The following COX7C variants were observed in gnomAD, a reference collection of about 807,000 sequenced individuals.
COX7C encodes the protein cytochrome c oxidase subunit 7C, mitochondrial.
Under a neutral mutation model 6.4 loss-of-function variants are expected in COX7C, and 1 was observed. The observed-to-expected ratio is 0.16, with a 90% confidence interval of 0.06 to 0.74. The LOEUF (loss-of-function observed/expected upper bound fraction) is 0.74. COX7C is among the 30% of genes least tolerant of loss of function. The pLI is 0.78. For synonymous variants in COX7C, 24 were observed against 28.9 expected (o/e 0.83, Z 0.54); for missense variants, 54 against 73.7 (o/e 0.73, Z 0.98).
At chr5:86,619,000 AAAAG>A (rs1282147219) in intron 1 of COX7C, among the ~76,000 whole-genome samples, 3 of 152,020 alleles carry the variant, frequency 2.0e-5, no homozygotes, top group Non-Finnish European at 2.9e-5. Context: ...AAAAGAAAAA[AAAAG>A]AGCTGTATTG....
intron 1 of COX7C, 88 bp downstream of exon 1, chr5:86,618,218 G>A: frequency 1.6e-6 from 2 of 1,239,796 alleles, no homozygotes; most frequent in Non-Finnish European, 2.4e-6. Flanking sequence ...GGGCTGTGGC[G>A]TGGGAGATGA....
At chr5:86,618,156 G>T in intron 1 of COX7C, 26 bp downstream of exon 1, 1 of 1,610,936 alleles carries the variant, frequency 6.2e-7, no homozygotes, top group Non-Finnish European at 8.5e-7. Flanking sequence ...GCACGGCTTC[G>T]TTGGGGGAGG....
Position 86,618,002 on chromosome 5 carries a change from G to A in COX7C, c.-54G>A. The A allele has an allele frequency of 1.9e-6, 3 of 1,564,592 alleles. No individual in the cohort carries two copies. The highest frequency in any genetic ancestry group is 2.3e-4 in the Middle Eastern group (1 of 4,442). ...AAAAAAAAGGTCTTGGTGAGGTGCC[G>A]CCATTTCATCTGTCCTCATTCTCTG... On this transcript the variant is annotated 5_prime_UTR_variant, in exon 1 of 3. Transcript: ENST00000247655.
At chr5:86,619,219 A>C in intron 1 of COX7C, 134 bp from the exon 2 acceptor site, 1 of 644,338 alleles carries the variant, frequency 1.6e-6, no homozygotes, top group Admixed American at 2.5e-5. Flanking sequence ...GTTTAAAACG[A>C]TGTTATGATT....
chr5:86,618,448 G>C, intron 1 of COX7C: 1 of 307,328 alleles, frequency 3.3e-6, no homozygotes, highest in South Asian at 4.1e-5. Context: ...AATCCGAGCT[G>C]GAGGTCATCG....
chr5:86,619,257 A>G (rs1750067454), intron 1 of COX7C, 96 bp from the exon 2 acceptor site: 1 of 770,158 alleles, frequency 1.3e-6, no homozygotes. Flanking sequence ...TGATGATGTA[A>G]AATATAACTA....
Position 86,618,089 on chromosome 5 carries a change from T to A in COX7C, c.34T>A (p.Ser12Thr). The A allele has an allele frequency of 6.2e-7, 1 of 1,614,086 alleles. No individual in the cohort carries two copies. Among genetic ancestry groups the A allele is most frequent in the Non-Finnish European group, 8.5e-7 (1 of 1,180,026 alleles). The change falls in exon 1 of 3, where the codon TCT (serine) becomes ACT (threonine). Residue 12 changes from serine (S) to threonine (T), a missense_variant. By Grantham distance (58) the Ser-to-Thr change is moderately conservative. Coordinates refer to ENST00000247655, the MANE Select transcript of COX7C (RefSeq NM_001867.3). ...CCAGAGCATCCGGAGGTTCACAACC[T>A]CTGTGGTCCGTAGGAGCCACTATGA... The part of the protein sequence containing the change: ...LGQSIRRFTT[S>T]VVRRSHYEEG...
chr5:86,618,382 C>T (rs1381287780), intron 1 of COX7C: 1 of 486,652 alleles, frequency 2.1e-6, no homozygotes, highest in Non-Finnish European at 3.7e-6. Flanking sequence ...CCTCCCCCGC[C>T]CCGCAGAAAG....
chr5:86,619,023 A>G (rs971283645), intron 1 of COX7C, among the ~76,000 whole-genome samples: 1 of 151,974 alleles, frequency 6.6e-6, no homozygotes, highest in Non-Finnish European at 1.5e-5. Context: ...TGCACTTAAC[A>G]TTGCCATGTA....
rs1422037371 is a variant in COX7C, at chr5:86,617,976, G to GA, written c.-72dup. ...CTTGCGCACCGGGGAACAAGGTCGT[G>GA]AAAAAAAAGGTCTTGGTGAGGTGCC... On this transcript the variant is annotated 5_prime_UTR_variant, in exon 1 of 3. Transcript: ENST00000247655. 5.0e-5 allele frequency: 68 copies of GA among 1,373,294 alleles called. No individual in the cohort carries two copies. Among genetic ancestry groups the GA allele is most frequent in the African/African-American group, 5.7e-5 (4 of 69,850 alleles). 85.1% of individuals were successfully genotyped at this position (1,373,294 alleles called of 1,614,324 possible).
chr5:86,618,135 G>A lies in COX7C; in HGVS notation c.75+5G>A, dbSNP rs1398710571. On this transcript the variant is annotated splice_donor_5th_base_variant and intron_variant, in intron 1 of 2. Transcript: ENST00000247655. The stretch of plus-strand genomic sequence containing the variant: ...TATGAGGAGGGCCCTGGGAAGGTTA[G>A]TGTGTAAGGGGCACGGCTTCGTTGG... 1 of 1,613,964 alleles carries A rather than the reference G, an allele frequency of 6.2e-7. No homozygotes were observed. The highest frequency in any genetic ancestry group is 1.7e-5 in the Admixed American group (1 of 60,018).
At chr5:86,618,323 A>T in intron 1 of COX7C, 193 bp downstream of exon 1, 1 of 567,180 alleles carries the variant, frequency 1.8e-6, no homozygotes, top group African/African-American at 1.9e-5. Flanking sequence ...CGCTAAAGGA[A>T]TGGGCAGGTA....
intron 2 of COX7C, chr5:86,619,727 C>T (rs1233720420): frequency 1.5e-5 from 5 of 332,780 alleles, no homozygotes; most frequent in African/African-American, 6.2e-5. Context: ...ATCGATATCT[C>T]ATGTTCTCTA....
At position 86,619,581 on chromosome 5, in the gene COX7C, A is replaced by T. The variant is rs377703749; in HGVS notation, c.*27+85A>T. On this transcript the variant is annotated intron_variant, in intron 2 of 2. Transcript: ENST00000247655. ...CATCACCCAGAACACACACACAAAT[A>T]CATTGTTGTGTAGGGCTGATTCCTG... is the stretch of plus-strand genomic sequence containing the variant. The T allele has an allele frequency of 4.4e-5, 33 of 744,428 alleles. No individual in the cohort carries two copies. The African/African-American group carries it at 5.7e-4, about 13-fold the overall frequency. The allele number at this position is 744,428 out of a possible 1,614,324, so 46.1% of individuals were successfully genotyped here.
Position 86,618,053 on chromosome 5 carries a change from G to T in COX7C, c.-3G>T. On this transcript the variant is annotated 5_prime_UTR_variant, in exon 1 of 3. Transcript: ENST00000247655. Reference sequence around the variant, plus strand: ...CGCCTTTCGCAGAGCTTCCAGCAGCGGTATGTTGGGCCAGAGCATCCGGAG... The same window carrying T: ...CGCCTTTCGCAGAGCTTCCAGCAGCTGTATGTTGGGCCAGAGCATCCGGAG... 6.2e-7 allele frequency: 1 copy of T among 1,613,622 alleles called. No homozygotes were observed. Among genetic ancestry groups the T allele is most frequent in the South Asian group, 1.1e-5 (1 of 91,048 alleles).
At chr5:86,618,207 C>T in intron 1 of COX7C, 77 bp downstream of exon 1, 2 of 1,345,438 alleles carry the variant, frequency 1.5e-6, no homozygotes, top group Non-Finnish European at 2.1e-6. Context: ...AGGCCGCCTC[C>T]GGGCTGTGGC....
At chr5:86,619,703 C>G (rs1750081101) in intron 2 of COX7C, 9 of 424,176 alleles carry the variant, frequency 2.1e-5, no homozygotes, top group Admixed American at 3.7e-5. Flanking sequence ...TACTGCTTAT[C>G]AGGTACACTT....
intron 2 of COX7C, 60 bp downstream of exon 2, chr5:86,619,556 C>G (rs908088582): frequency 2.4e-6 from 2 of 838,252 alleles, no homozygotes; most frequent in Non-Finnish European, 4.1e-6. Flanking sequence ...GCCTCTTCCC[C>G]ATCACCCAGA....
chr5:86,618,159 G>A, intron 1 of COX7C, 29 bp downstream of exon 1: 1 of 1,608,788 alleles, frequency 6.2e-7, no homozygotes, highest in East Asian at 2.2e-5. Flanking sequence ...CGGCTTCGTT[G>A]GGGGAGGGGG....
Sources: allele counts gnomAD v4.1 joint callset (sites outside exome capture counted in the v4.1 genomes callset), GRCh38; gene constraint gnomAD v4.1.1; transcripts MANE v1.5; gene names NCBI Gene and HGNC (gene_info 2026-07-23, HGNC 2026-07-21).